The following ALDH3A2 variants were observed in gnomAD, a reference collection of about 807,000 sequenced individuals.
ALDH3A2 encodes aldehyde dehydrogenase 3 family member A2.
ALDH3A2 carries 36 observed loss-of-function variants against 51.3 expected under a neutral mutation model. The ratio of observed to expected loss-of-function variants is 0.70; its 90% CI spans 0.54 to 0.93. The LOEUF is 0.93. Among genes scored for constraint, ALDH3A2 ranks in the 40% least tolerant of loss-of-function variants. The probability of loss-of-function intolerance (pLI) is 0.00; values close to 1 mark genes in which losing one functional copy is unlikely to be tolerated. For synonymous variants in ALDH3A2, 199 were observed against 219.8 expected, an observed-to-expected ratio of 0.91 and a Z score of 0.84; for missense variants, 552 against 603.1, an observed-to-expected ratio of 0.92 and a Z score of 0.89.
At chr17:19,653,061 T>C in intron 3 of ALDH3A2, among the ~76,000 whole-genome samples, 1 of 151,988 alleles carries the variant, frequency 6.6e-6, no homozygotes, top group South Asian at 2.1e-4. Context: ...TTTTTTTTTT[T>C]TGAGATGGAA....
chr17:19,661,491 A>G, intron 6 of ALDH3A2: 1 of 532,020 alleles, frequency 1.9e-6, no homozygotes, highest in South Asian at 2.3e-5. Context: ...CCAGTTGTTC[A>G]TATTTACACA....
intron 5 of ALDH3A2, among the ~76,000 whole-genome samples, chr17:19,660,641 A>C (rs987133367): frequency 6.6e-6 from 1 of 152,244 alleles, no homozygotes; most frequent in Admixed American, 6.5e-5. Flanking sequence ...CAAAACAACA[A>C]AGTGGAGCAA....
At chr17:19,657,401 C>G (rs1290562382) in intron 4 of ALDH3A2, among the ~76,000 whole-genome samples, 1 of 152,202 alleles carries the variant, frequency 6.6e-6, no homozygotes, top group Non-Finnish European at 1.5e-5. Context: ...CTCTGGTCAT[C>G]CAGGACTTTC....
intron 3 of ALDH3A2, among the ~76,000 whole-genome samples, chr17:19,653,288 G>A (rs559786993): frequency 8.6e-5 from 13 of 152,018 alleles, no homozygotes; most frequent in African/African-American, 2.2e-4. Flanking sequence ...CAGGTGATCC[G>A]CCCAGCTTGG....
intron 6 of ALDH3A2, 179 bp downstream of exon 6, chr17:19,661,447 T>C (rs1669997091): frequency 1.4e-6 from 1 of 717,688 alleles, no homozygotes; most frequent in Non-Finnish European, 2.3e-6. Flanking sequence ...AATGTCTGTG[T>C]TTCTGTGTAT....
At chr17:19,664,330 G>A (rs2085006944) in intron 7 of ALDH3A2, among the ~76,000 whole-genome samples, 1 of 152,204 alleles carries the variant, frequency 6.6e-6, no homozygotes, top group Non-Finnish European at 1.5e-5. Context: ...CCAGCAGTGG[G>A]TCACCCGAGG....
Position 19,675,786 on chromosome 17 carries a change from T to C in ALDH3A2, c.*214T>C. The stretch of plus-strand genomic sequence containing the variant: ...CCTAATAGGGTATTCAGGGAACCTG[T>C]CTTAAATTGTGCTTATCTAAATCTT... On this transcript the variant is annotated 3_prime_UTR_variant, in exon 10 of 10. Coordinates refer to ENST00000176643, the MANE Select transcript of ALDH3A2 (RefSeq NM_000382.3). 3.3e-6 allele frequency: 2 copies of C among 607,604 alleles called. No individual in the cohort carries two copies. Among genetic ancestry groups the C allele is most frequent in the Non-Finnish European group, 5.8e-6 (2 of 344,162 alleles). The allele number at this position is 607,604 out of a possible 1,614,324, so 37.6% of individuals were successfully genotyped here. A position where few individuals can be genotyped will look rare whatever the true frequency, so the allele number is the denominator to read the frequency against.
chr17:19,673,125 A>G (rs367995821), intron 9 of ALDH3A2: 107 of 1,614,124 alleles, frequency 6.6e-5, no homozygotes, highest in Middle Eastern at 4.9e-4. Flanking sequence ...TACCAGTTGC[A>G]TTTGAAATCA....
chr17:19,653,471 CGGAGTTTCTTCCTTCT>C (rs1362433593), intron 3 of ALDH3A2, among the ~76,000 whole-genome samples: 2 of 152,148 alleles, frequency 1.3e-5, no homozygotes, highest in Non-Finnish European at 2.9e-5. Context: ...CGGACATGTT[CGGAGTTTCTTCCTTCT>C]GGTGGGTTCG....
At chr17:19,656,674 C>A in intron 4 of ALDH3A2, 100 bp downstream of exon 4, 1 of 1,161,398 alleles carries the variant, frequency 8.6e-7, no homozygotes, top group Non-Finnish European at 1.3e-6. Flanking sequence ...CTTATGGCTC[C>A]AAGATACATT....
rs978217799 is a variant in ALDH3A2, at chr17:19,677,103, A to T, written c.*1531A>T. 1 of 152,288 alleles carries T rather than the reference A, an allele frequency of 6.6e-6. No homozygotes were observed. Among genetic ancestry groups the T allele is most frequent in the Non-Finnish European group, 1.5e-5 (1 of 68,098 alleles). The allele number at this position is 152,288 out of a possible 1,614,324, so 9.4% of individuals were successfully genotyped here. On this transcript the variant is annotated 3_prime_UTR_variant, in exon 10 of 10. Transcript: ENST00000176643. ...GAAGAAGAGGCCTGTGGAATGCAGC[A>T]TTACCTGCTGGACAGAGCAGGGCAG...
At chr17:19,660,444 T>C (rs573378966) in intron 5 of ALDH3A2, among the ~76,000 whole-genome samples, 1 of 152,212 alleles carries the variant, frequency 6.6e-6, no homozygotes, top group Admixed American at 6.5e-5. Context: ...TGGGATGAAA[T>C]TGGGAACTCT....
At chr17:19,674,822 C>T (rs1262115864) in intron 9 of ALDH3A2, 1 of 151,954 alleles carries the variant, frequency 6.6e-6, no homozygotes, top group Non-Finnish European at 1.5e-5. Flanking sequence ...GTATATTTAC[C>T]TGAATAGTCT....
In ALDH3A2 at chr17:19,657,838, A is replaced by G. The variant is rs141842478; in HGVS notation, c.774A>G (p.Val258=). The change falls in exon 5 of 10, where the codon GTA becomes GTG. Residue 258 remains valine, a synonymous_variant. Transcript: ENST00000176643. ...AAGCATCCCTCCAAAATCAAATTGT[A>G]TGGAAGATTAAGGAAACAGTGAAGG... is the stretch of plus-strand genomic sequence containing the variant. The part of the protein sequence containing the change: ...LCEASLQNQI[V]WKIKETVKEF... 24 of 1,611,288 alleles carry G rather than the reference A, an allele frequency of 1.5e-5. No homozygotes were observed. In the African/African-American group the frequency reaches 2.1e-4, roughly 14 times the overall value.
rs1270161493 is a variant in ALDH3A2 at position 19,677,280 on chromosome 17, G to T, written c.*1708G>T. ...GTTCTATTAAGGCTGTCTAAAGTAT[G>T]TGATGTCTTCATCATAGTATGAAGT... On this transcript the variant is annotated 3_prime_UTR_variant, in exon 10 of 10. Coordinates refer to ENST00000176643, the MANE Select transcript of ALDH3A2 (RefSeq NM_000382.3). 6.6e-6 allele frequency: 1 copy of T among 152,228 alleles called. No individual in the cohort carries two copies. Among genetic ancestry groups the T allele is most frequent in the Non-Finnish European group, 1.5e-5 (1 of 68,042 alleles). The allele number at this position is 152,228 out of a possible 1,614,324, so 9.4% of individuals were successfully genotyped here.
intron 8 of ALDH3A2, among the ~76,000 whole-genome samples, chr17:19,670,540 C>T (rs1368467888): frequency 6.6e-6 from 1 of 150,596 alleles, no homozygotes; most frequent in African/African-American, 2.4e-5. Context: ...TTGGTTATGT[C>T]TTTGGCTCGC....
At chr17:19,650,187 C>T (rs567650541) in intron 1 of ALDH3A2, among the ~76,000 whole-genome samples, 2 of 151,846 alleles carry the variant, frequency 1.3e-5, no homozygotes, top group Non-Finnish European at 2.9e-5. Flanking sequence ...GCTGGGATTA[C>T]AGGTGTGAGC....
chr17:19,656,451 A>G lies in ALDH3A2; in HGVS notation c.557A>G (p.Asn186Ser), dbSNP rs1009610342. The change falls in exon 4 of 10, where the codon AAC (asparagine) becomes AGC (serine). Residue 186 changes from asparagine (N) to serine (S), a missense_variant. By Grantham distance (46) the Asn-to-Ser change is conservative (BLOSUM62 1). Transcript: ENST00000176643. Reference protein sequence around the residue: ...QRFDHIFYTGNTAVGKIVMEA... With the variant: ...QRFDHIFYTGSTAVGKIVMEA... Reference sequence around the variant, plus strand: ...TTTGACCACATTTTCTATACGGGAAACACTGCGGTTGGCAAAATTGTCATG... The same window carrying G: ...TTTGACCACATTTTCTATACGGGAAGCACTGCGGTTGGCAAAATTGTCATG... 6.2e-7 allele frequency: 1 copy of G among 1,614,180 alleles called. No individual in the cohort carries two copies. The highest frequency in any genetic ancestry group is 8.5e-7 in the Non-Finnish European group (1 of 1,180,028).
At chr17:19,664,208 G>A (rs2085005390) in intron 7 of ALDH3A2, among the ~76,000 whole-genome samples, 1 of 152,214 alleles carries the variant, frequency 6.6e-6, no homozygotes, top group Non-Finnish European at 1.5e-5. Flanking sequence ...TAAAGACTGG[G>A]TTATTAACAA....
Sources: allele counts gnomAD v4.1 joint callset (sites outside exome capture counted in the v4.1 genomes callset), GRCh38; gene constraint gnomAD v4.1.1; transcripts MANE v1.5; gene names NCBI Gene and HGNC (gene_info 2026-07-23, HGNC 2026-07-21).